DNMT3A: variants seen among roughly 807,000 people sequenced by gnomAD.
The protein encoded by DNMT3A is DNA methyltransferase 3 alpha.
DNMT3A carries 267 observed loss-of-function variants against 117.6 expected under a neutral mutation model. That is an observed-to-expected ratio of 2.27 (90% confidence interval 2.05 to 2.51). The LOEUF is 2.51. DNMT3A is among the 30% of genes most tolerant of loss of function. DNMT3A has a pLI of 0.00. For missense variants in DNMT3A, 1,029 were observed against 1,260.2 expected (o/e 0.82, Z 2.78); for synonymous variants, 432 against 474.8 (o/e 0.91, Z 1.17).
Position 25,245,270 on chromosome 2 carries a change from TTCC to T in DNMT3A, c.1534_1536del (p.Gly512del). ...GCTCCTACCTTGCAGTTTTGGCACATTCCTCCAACGAAGAGGGGGTGTTCCAGG... is the reference window on the plus strand; with the variant it reads ...GCTCCTACCTTGCAGTTTTGGCACATTCCAACGAAGAGGGGGTGTTCCAGG... On this transcript the variant is annotated inframe_deletion, in exon 13 of 23. Coordinates refer to ENST00000321117, the MANE Select transcript of DNMT3A (RefSeq NM_022552.5). 1 of 1,613,814 alleles carries T rather than the reference TTCC, an allele frequency of 6.2e-7. No homozygotes were observed. The highest frequency in any genetic ancestry group is 2.2e-5 in the East Asian group (1 of 44,868).
chr2:25,283,857 A>G (rs982550820), intron 3 of DNMT3A, among the ~76,000 whole-genome samples: 1 of 152,128 alleles, frequency 6.6e-6, no homozygotes, highest in Non-Finnish European at 1.5e-5. Context: ...ACCTCCTCAG[A>G]GTTTCTCAGC....
chr2:25,245,417 C>CA, intron 12 of DNMT3A, 85 bp from the exon 13 acceptor site: 4 of 1,268,334 alleles, frequency 3.2e-6, no homozygotes, highest in Non-Finnish European at 4.5e-6. Context: ...AGACCAGCCA[C>CA]AAAAAAGGGG....
chr2:25,309,980 C>A (rs1347074020), intron 2 of DNMT3A, among the ~76,000 whole-genome samples: 1 of 152,072 alleles, frequency 6.6e-6, no homozygotes, highest in Non-Finnish European at 1.5e-5. Flanking sequence ...GGCGTGAACC[C>A]GGGAGGCAGA....
chr2:25,244,420 C>A, intron 14 of DNMT3A, 82 bp from the exon 15 acceptor site: 1 of 1,512,248 alleles, frequency 6.6e-7, no homozygotes, highest in South Asian at 1.2e-5. Flanking sequence ...ATGGAAAGAC[C>A]GGGTCTGGAG....
chr2:25,247,559 A>T lies in DNMT3A; in HGVS notation c.1014+32T>A. ...GCCCTGGGATCAAGAACCTTCCCCC[A>T]CCCCAGGCTACTGCCAAACCCCACA... On this transcript the variant is annotated intron_variant, in intron 8 of 22. Transcript: ENST00000321117. This position sits in a 1 kb window ranked among gnomAD's most constrained non-coding sequence, Gnocchi z 5.6. 6.2e-7 allele frequency: 1 copy of T among 1,603,936 alleles called. No homozygotes were observed. Among genetic ancestry groups the T allele is most frequent in the African/African-American group, 1.3e-5 (1 of 74,374 alleles).
intron 1 of DNMT3A, among the ~76,000 whole-genome samples, chr2:25,335,642 T>C (rs1035800048): frequency 2.0e-5 from 3 of 152,212 alleles, no homozygotes; most frequent in Non-Finnish European, 4.4e-5. Flanking sequence ...CCTTTCATTA[T>C]AGTAAGAAGA....
rs2033676696 is a variant in DNMT3A at position 25,304,395 on chromosome 2, C to T, written c.73-4152G>A. Among the ~76,000 whole-genome samples the T allele has an allele frequency of 6.6e-6, 1 of 152,168 alleles. No individual in the cohort carries two copies. The highest frequency in any genetic ancestry group is 1.5e-5 in the Non-Finnish European group (1 of 68,020). On this transcript the variant is annotated intron_variant, in intron 2 of 22. Coordinates refer to ENST00000321117, the MANE Select transcript of DNMT3A (RefSeq NM_022552.5). The surrounding 1 kb of genome is among the most constrained non-coding windows in gnomAD (Gnocchi z 4.3). ...AGTCACTCGAGAACTGCTACCTTCC[C>T]CCGCTCCACACATCCTGATTCGTAC...
At chr2:25,275,898 T>C (rs2031370579) in intron 4 of DNMT3A, among the ~76,000 whole-genome samples, 1 of 152,074 alleles carries the variant, frequency 6.6e-6, no homozygotes, top group South Asian at 2.1e-4. Flanking sequence ...TCAAGAGACC[T>C]CCTTCCCCAA....
intron 1 of DNMT3A, among the ~76,000 whole-genome samples, chr2:25,334,495 G>A (rs768823112): frequency 1.6e-4 from 24 of 152,266 alleles, no homozygotes; most frequent in Admixed American, 4.6e-4. Context: ...TACCCGGGCC[G>A]GGCCCCAGTT....
chr2:25,249,443 C>A (rs576807637), intron 6 of DNMT3A, among the ~76,000 whole-genome samples: 2 of 152,198 alleles, frequency 1.3e-5, no homozygotes, highest in Non-Finnish European at 2.9e-5. Flanking sequence ...CATGCTCAGA[C>A]GCCATGCTGG....
At chr2:25,318,943 C>T (rs2034487470) in intron 1 of DNMT3A, among the ~76,000 whole-genome samples, 1 of 151,474 alleles carries the variant, frequency 6.6e-6, no homozygotes, top group Admixed American at 6.6e-5. Context: ...TCGTGATCTG[C>T]CTGCCTCGGC....
At position 25,236,750 on chromosome 2, in the gene DNMT3A, G is replaced by A. The variant is rs1372790769; in HGVS notation, c.2478+186C>T. Among the ~76,000 whole-genome samples the A allele has an allele frequency of 6.6e-6, 1 of 152,220 alleles. No individual in the cohort carries two copies. The highest frequency in any genetic ancestry group is 1.5e-5 in the Non-Finnish European group (1 of 68,036). On this transcript the variant is annotated intron_variant, in intron 21 of 22. Transcript: ENST00000321117. The surrounding 1 kb of genome is among the most constrained non-coding windows in gnomAD (Gnocchi z 4.5). ...GGGCGACACTCACCAGGGAGGAAGG[G>A]CTGAAGGCCAGCAGCCCTGGGCCCT...
Position 25,236,565 on chromosome 2 carries a change from C to T in DNMT3A, c.2478+371G>A, listed in dbSNP as rs558323488. 5.3e-5 allele frequency among the ~76,000 whole-genome samples: 8 copies of T among 152,240 alleles called. No homozygotes were observed. Among genetic ancestry groups the T allele is most frequent in the Non-Finnish European group, 7.4e-5 (5 of 68,010 alleles). ...AACCCAGTGCCCCAGGTAGTCACTC[C>T]GGGAGATTCCAGCTCCAGAGAGAAA... On this transcript the variant is annotated intron_variant, in intron 21 of 22. Transcript: ENST00000321117. This position sits in a 1 kb window ranked among gnomAD's most constrained non-coding sequence, Gnocchi z 4.5.
At chr2:25,269,097 G>A (rs1255354454) in intron 6 of DNMT3A, among the ~76,000 whole-genome samples, 4 of 152,230 alleles carry the variant, frequency 2.6e-5, no homozygotes, top group Non-Finnish European at 4.4e-5. Context: ...CAAAGCAGGC[G>A]GATCACTTGG....
chr2:25,234,516 A>C lies in DNMT3A; in HGVS notation c.2598-96T>G. On this transcript the variant is annotated intron_variant, in intron 22 of 22. Transcript: ENST00000321117. This position sits in a 1 kb window ranked among gnomAD's most constrained non-coding sequence, Gnocchi z 4.5. ...ACACAGCAGGACCCGGAGGACCAGC[A>C]GCCACCCGAAGTGCAGGGACAGGGG... 7.1e-7 allele frequency: 1 copy of C among 1,415,414 alleles called. No homozygotes were observed. 87.7% of individuals were successfully genotyped at this position (1,415,414 alleles called of 1,614,324 possible).
At chr2:25,338,499 G>T (rs535453817) in intron 1 of DNMT3A, among the ~76,000 whole-genome samples, 1 of 152,158 alleles carries the variant, frequency 6.6e-6, no homozygotes, top group Non-Finnish European at 1.5e-5. Context: ...GGCAGTGGCC[G>T]CTGGGCAGCG....
chr2:25,264,132 G>GTTGTTTTTTTTTTTT (rs2029957403), intron 6 of DNMT3A, among the ~76,000 whole-genome samples: 1 of 73,740 alleles, frequency 1.4e-5, no homozygotes, highest in African/African-American at 5.5e-5. Flanking sequence ...CAACCCTTTG[G>GTTGTTTTTTTTTTTT]TTTTTTTTTT....
chr2:25,341,326 G>A (rs1316509637), intron 1 of DNMT3A, among the ~76,000 whole-genome samples: 2 of 145,044 alleles, frequency 1.4e-5, no homozygotes, highest in Non-Finnish European at 3.1e-5. Flanking sequence ...GGCCGCCGCG[G>A]GGGCCGATCC....
At chr2:25,273,730 A>G (rs907450929) in intron 6 of DNMT3A, among the ~76,000 whole-genome samples, 2 of 151,916 alleles carry the variant, frequency 1.3e-5, no homozygotes, top group Admixed American at 6.6e-5. Flanking sequence ...CGACCCCCAC[A>G]GAAGCTTCTC....
Sources: allele counts gnomAD v4.1 joint callset (sites outside exome capture counted in the v4.1 genomes callset), GRCh38; gene constraint gnomAD v4.1.1; non-coding constraint Gnocchi (gnomAD v3.1); transcripts MANE v1.5; gene names NCBI Gene and HGNC (gene_info 2026-07-23, HGNC 2026-07-21).